CSGALNACT1: variants seen among roughly 807,000 people sequenced by gnomAD.
The protein encoded by CSGALNACT1 is chondroitin sulfate N-acetylgalactosaminyltransferase 1.
In CSGALNACT1, 52 loss-of-function variants were observed where a neutral mutation model predicts 51.0. The ratio of observed to expected loss-of-function variants is 1.02; its 90% confidence interval spans 0.82 to 1.29. The LOEUF (loss-of-function observed/expected upper bound fraction) is 1.29, where lower values mean the gene tolerates loss of function less well. CSGALNACT1 is among the 50% of genes most tolerant of loss of function. The probability of loss-of-function intolerance (pLI) is 0.00; values close to 1 mark genes in which losing one functional copy is unlikely to be tolerated. For missense variants in CSGALNACT1, 935 were observed against 679.2 expected, an observed-to-expected ratio of 1.38 and a Z score of -4.19; for synonymous variants, 341 against 254.4, an observed-to-expected ratio of 1.34 and a Z score of -3.24.
At chr8:19,536,793 G>T (rs767276142) in intron 3 of CSGALNACT1, among the ~76,000 whole-genome samples, 1 of 152,202 alleles carries the variant, frequency 6.6e-6, no homozygotes, top group Non-Finnish European at 1.5e-5. Context: ...ACTGGCAGAA[G>T]TAGTGGCAGA....
intron 1 of CSGALNACT1, among the ~76,000 whole-genome samples, chr8:19,692,137 G>A (rs2061361739): frequency 6.6e-6 from 1 of 152,130 alleles, no homozygotes; most frequent in Non-Finnish European, 1.5e-5. Flanking sequence ...ACAGCATGGA[G>A]GAACCGCCCC....
At chr8:19,598,253 G>C (rs747132074) in intron 2 of CSGALNACT1, among the ~76,000 whole-genome samples, 19 of 152,336 alleles carry the variant, frequency 1.2e-4, no homozygotes, top group South Asian at 2.1e-4. Flanking sequence ...TGGAAGGCAT[G>C]CATCACCGGA....
intron 5 of CSGALNACT1, among the ~76,000 whole-genome samples, chr8:19,444,097 T>C (rs2061743044): frequency 1.3e-5 from 2 of 152,212 alleles, no homozygotes; most frequent in African/African-American, 2.4e-5. Context: ...CACCTCCTGC[T>C]GTGTGGCCTA....
intron 1 of CSGALNACT1, among the ~76,000 whole-genome samples, chr8:19,689,206 A>G (rs2061149991): frequency 6.6e-6 from 1 of 152,168 alleles, no homozygotes; most frequent in Non-Finnish European, 1.5e-5. Context: ...AGACTGTATT[A>G]TAGTTCTCCA....
chr8:19,458,581 G>C, exon 5 of CSGALNACT1: 3 of 1,614,164 alleles, frequency 1.9e-6, no homozygotes, highest in Non-Finnish European at 2.5e-6. Context: ...ATTCGTGTTT[G>C]TGGTCCCCTT....
At chr8:19,634,310 C>T (rs2055715177) in intron 1 of CSGALNACT1, among the ~76,000 whole-genome samples, 1 of 152,006 alleles carries the variant, frequency 6.6e-6, no homozygotes, top group African/African-American at 2.4e-5. Flanking sequence ...TGGCAGGTGA[C>T]TAGGTTTACA....
chr8:19,419,280 G>A (rs1248467600), intron 7 of CSGALNACT1, among the ~76,000 whole-genome samples: 1 of 152,234 alleles, frequency 6.6e-6, no homozygotes, highest in Non-Finnish European at 1.5e-5. Flanking sequence ...AATACTGACA[G>A]ACCATGACCA....
At chr8:19,428,333 T>C (rs943114983) in intron 6 of CSGALNACT1, among the ~76,000 whole-genome samples, 4 of 152,084 alleles carry the variant, frequency 2.6e-5, no homozygotes, top group African/African-American at 9.7e-5. Context: ...GGCCTCACAT[T>C]CATGGCGGAA....
At chr8:19,666,996 AAAGAAAGAAAGAAAGAAAGAAAGG>A (rs1324307448) in intron 1 of CSGALNACT1, among the ~76,000 whole-genome samples, 38 of 18,860 alleles carry the variant, frequency 2.0e-3, no homozygotes, top group South Asian at 4.0e-3. Context: ...AGAAAGAAAG[AAAGAAAGAAAGAAAGAAAGAAAGG>A]AAGGAAGGAA....
At chr8:19,578,249 C>T (rs1170595417) in intron 3 of CSGALNACT1, among the ~76,000 whole-genome samples, 1 of 152,226 alleles carries the variant, frequency 6.6e-6, no homozygotes, top group Non-Finnish European at 1.5e-5. Flanking sequence ...AGCATTATCA[C>T]TCTCAAAAGT....
intron 1 of CSGALNACT1, among the ~76,000 whole-genome samples, chr8:19,734,167 A>G (rs2063839895): frequency 6.6e-6 from 1 of 152,198 alleles, no homozygotes; most frequent in Non-Finnish European, 1.5e-5. Flanking sequence ...CAGAGATAAA[A>G]AATTTCAAAG....
At chr8:19,507,422 C>T (rs1311396886) in intron 3 of CSGALNACT1, among the ~76,000 whole-genome samples, 1 of 151,024 alleles carries the variant, frequency 6.6e-6, no homozygotes, top group East Asian at 1.9e-4. Context: ...CTGGGGTCAC[C>T]CTTCCTGTTC....
chr8:19,406,458 T>C (rs750572843), intron 9 of CSGALNACT1, among the ~76,000 whole-genome samples: 4 of 152,000 alleles, frequency 2.6e-5, no homozygotes, highest in Non-Finnish European at 5.9e-5. Context: ...GTTAACAATT[T>C]ATTGTATATT....
intron 8 of CSGALNACT1, among the ~76,000 whole-genome samples, chr8:19,416,050 C>CAT (rs2056800596): frequency 6.6e-6 from 1 of 150,792 alleles, no homozygotes; most frequent in South Asian, 2.1e-4. Flanking sequence ...CAACAGGCTG[C>CAT]ATATGAGATG....
intron 1 of CSGALNACT1, among the ~76,000 whole-genome samples, chr8:19,643,967 T>C (rs538941662): frequency 3.3e-5 from 5 of 152,348 alleles, no homozygotes; most frequent in East Asian, 1.9e-4. Flanking sequence ...CAAACAGTCA[T>C]AAATGTGGAC....
intron 3 of CSGALNACT1, among the ~76,000 whole-genome samples, chr8:19,553,991 A>C (rs2154086037): frequency 6.6e-6 from 1 of 152,176 alleles, no homozygotes; most frequent in Non-Finnish European, 1.5e-5. Context: ...AAAAATAAGA[A>C]AAGATAACCA....
intron 4 of CSGALNACT1, among the ~76,000 whole-genome samples, chr8:19,468,036 G>A (rs1381353437): frequency 1.3e-5 from 2 of 152,146 alleles, no homozygotes; most frequent in African/African-American, 4.8e-5. Flanking sequence ...GTGCTTTCAG[G>A]ATTCACATTC....
chr8:19,478,163 T>C (rs894900213), intron 4 of CSGALNACT1, among the ~76,000 whole-genome samples: 18 of 151,682 alleles, frequency 1.2e-4, no homozygotes, highest in Admixed American at 4.6e-4. Context: ...GCCTGTAATC[T>C]CAGCACTTTG....
chr8:19,541,844 T>C (rs1297400829), intron 3 of CSGALNACT1, among the ~76,000 whole-genome samples: 1 of 152,160 alleles, frequency 6.6e-6, no homozygotes, highest in African/African-American at 2.4e-5. Flanking sequence ...AAAATAACTG[T>C]GTGCAATAGA....
Sources: gnomAD v4.1 joint callset for allele counts (sites outside exome capture counted in the v4.1 genomes callset) on GRCh38, gnomAD v4.1.1 for gene constraint, MANE v1.5 for transcripts, NCBI Gene and HGNC (gene_info 2026-07-23, HGNC 2026-07-21) for gene names.